The following CACNG6 variants were observed in gnomAD, a reference collection of about 807,000 sequenced individuals.
CACNG6 encodes voltage-dependent calcium channel gamma-6 subunit.
In CACNG6, 21 loss-of-function variants were observed where a neutral mutation model predicts 23.9. The ratio of observed to expected loss-of-function variants is 0.88; its 90% confidence interval spans 0.62 to 1.26. The LOEUF (loss-of-function observed/expected upper bound fraction) is 1.26, where lower values mean the gene tolerates loss of function less well. Among genes scored for constraint, CACNG6 ranks in the 50% most tolerant of loss-of-function variants. The probability of loss-of-function intolerance (pLI) is 0.00; values close to 1 mark genes in which losing one functional copy is unlikely to be tolerated. For missense variants in CACNG6, 340 were observed against 352.9 expected (o/e 0.96, Z 0.29); for synonymous variants, 182 against 168.9 (o/e 1.08, Z -0.60).
In CACNG6 at chr19:54,010,036, C is replaced by CTTTTT. The variant is rs199976621; in HGVS notation, c.545-1912_545-1911insTTTTT. On this transcript the variant is annotated intron_variant, in intron 3 of 3. Transcript: ENST00000252729. The stretch of plus-strand genomic sequence containing the variant: ...AACTTGCATGGAGACTATTTCTTTT[C>CTTTTT]TTTCTTTTTTTTTTTTTTTTGTTGC... Among the ~76,000 whole-genome samples, 57 of 97,876 alleles carry CTTTTT rather than the reference C, an allele frequency of 5.8e-4. 2 individuals are homozygous for CTTTTT. The highest frequency in any genetic ancestry group is 2.0e-3 in the African/African-American group (51 of 24,984). 64.2% of individuals were successfully genotyped at this position (97,876 alleles called of 152,430 possible).
At chr19:53,999,792 G>T in intron 3 of CACNG6, 21 bp downstream of exon 3, 1 of 1,611,844 alleles carries the variant, frequency 6.2e-7, no homozygotes. Flanking sequence ...AGAGCCTGGA[G>T]GCTGAGGACA....
At position 53,999,596 on chromosome 19, in the gene CACNG6, C is replaced by G. The variant is rs1213218381; in HGVS notation, c.407-38C>G. 3 of 1,606,836 alleles carry G rather than the reference C, an allele frequency of 1.9e-6. No homozygotes were observed. In the South Asian group the frequency reaches 3.3e-5, roughly 18 times the overall value. Reference sequence around the variant, plus strand: ...GGTGAATCCTCCTCATTCCCTACATCCCATGTTCTCTGCTTCTTTCCTCTC... The same window carrying G: ...GGTGAATCCTCCTCATTCCCTACATGCCATGTTCTCTGCTTCTTTCCTCTC... On this transcript the variant is annotated intron_variant, in intron 2 of 3. Transcript: ENST00000252729.
chr19:54,005,817 G>A lies in CACNG6; in HGVS notation c.544+6046G>A, dbSNP rs1017640812. 6.1e-5 allele frequency among the ~76,000 whole-genome samples: 9 copies of A among 146,854 alleles called. No individual in the cohort carries two copies. In the East Asian group the frequency reaches 1.2e-3, roughly 20 times the overall value. ...TAAAATAAAATAAAATAAACCAGGC[G>A]CGGTGGCTCACTCCTGTTATCCCAT... On this transcript the variant is annotated intron_variant, in intron 3 of 3. Coordinates refer to ENST00000252729, the MANE Select transcript of CACNG6 (RefSeq NM_145814.2).
At chr19:54,004,677 C>G (rs1031112698) in intron 3 of CACNG6, among the ~76,000 whole-genome samples, 1 of 152,132 alleles carries the variant, frequency 6.6e-6, no homozygotes, top group Non-Finnish European at 1.5e-5. Flanking sequence ...CTCCCTGCTC[C>G]GGCCACGCCA....
intron 1 of CACNG6, among the ~76,000 whole-genome samples, chr19:53,993,860 T>C (rs1311445377): frequency 3.3e-5 from 5 of 150,482 alleles, no homozygotes; most frequent in African/African-American, 1.2e-4. Context: ...CAGCCAATGT[T>C]CCCAGGCATC....
chr19:54,006,443 T>G (rs890266523), intron 3 of CACNG6, among the ~76,000 whole-genome samples: 24 of 151,894 alleles, frequency 1.6e-4, no homozygotes, highest in African/African-American at 5.8e-4. Flanking sequence ...TCTTGTCTTG[T>G]AAATGGCCAA....
intron 3 of CACNG6, among the ~76,000 whole-genome samples, chr19:54,005,657 G>T (rs2069635478): frequency 6.6e-6 from 1 of 151,748 alleles, no homozygotes; most frequent in African/African-American, 2.4e-5. Flanking sequence ...GGAGGCTGAG[G>T]CAGGGGAATC....
chr19:54,000,760 G>A (rs572963369), intron 3 of CACNG6, among the ~76,000 whole-genome samples: 3 of 151,856 alleles, frequency 2.0e-5, no homozygotes, highest in African/African-American at 4.8e-5. Context: ...TGTATTTTTC[G>A]GTAGAGACAG....
chr19:54,008,245 C>T (rs746808042), intron 3 of CACNG6, among the ~76,000 whole-genome samples: 38 of 152,044 alleles, frequency 2.5e-4, no homozygotes, highest in Non-Finnish European at 4.6e-4. Context: ...CCCAGCTACT[C>T]AAGAGGCTGA....
intron 3 of CACNG6, among the ~76,000 whole-genome samples, chr19:54,004,336 TGTGTGTGTGTGTGTGTGTGTG>T (rs1218657976): frequency 1.3e-3 from 39 of 29,736 alleles, no homozygotes; most frequent in Admixed American, 6.0e-3. Context: ...TTTGTATTTT[TGTGTGTGTGTGTGTGTGTGTG>T]TGTGTGTGTG....
rs751864902 is a variant in CACNG6, at chr19:53,992,941, C to T, written c.64C>T (p.Arg22Trp). The T allele has an allele frequency of 2.2e-6, 3 of 1,374,468 alleles. No individual in the cohort carries two copies. The highest frequency in any genetic ancestry group is 1.5e-5 in the African/African-American group (1 of 66,452). The allele number at this position is 1,374,468 out of a possible 1,614,324, so 85.1% of individuals were successfully genotyped here. The change falls in exon 1 of 4, where the codon CGG (arginine) becomes TGG (tryptophan). Residue 22 changes from arginine (R) to tryptophan (W), a missense_variant. Physicochemically the swap from Arg to Trp is moderately radical, Grantham distance 101. Coordinates refer to ENST00000252729, the MANE Select transcript of CACNG6 (RefSeq NM_145814.2). The surrounding 1 kb of genome is among the most constrained non-coding windows in gnomAD (Gnocchi z 4.1). Reference protein sequence around the residue: ...NRRRGAAGRRRAHGQGRSGLT... With the variant: ...NRRRGAAGRRWAHGQGRSGLT... ...GCGGCGGGGGGCCGCGGGCCGGCGGCGGGCGCACGGGCAGGGCAGGTCGGG... is the reference window on the plus strand; with the variant it reads ...GCGGCGGGGGGCCGCGGGCCGGCGGTGGGCGCACGGGCAGGGCAGGTCGGG...
At chr19:53,993,826 A>AC (rs2069494044) in intron 1 of CACNG6, among the ~76,000 whole-genome samples, 1 of 146,814 alleles carries the variant, frequency 6.8e-6, no homozygotes. Flanking sequence ...TGATTCTATG[A>AC]CCCCCAAAGT....
At chr19:53,998,065 T>C (rs141622924) in intron 1 of CACNG6, among the ~76,000 whole-genome samples, 174 bp from the exon 2 acceptor site, 287 of 152,242 alleles carry the variant, frequency 1.9e-3, no homozygotes, top group African/African-American at 6.6e-3. Context: ...AGCTCCTAGA[T>C]GGCAGTGTGG....
At chr19:54,008,209 C>T (rs1411463104) in intron 3 of CACNG6, among the ~76,000 whole-genome samples, 1 of 151,646 alleles carries the variant, frequency 6.6e-6, no homozygotes, top group African/African-American at 2.4e-5. Context: ...AAAAATGAGC[C>T]AGGCGTGGTG....
At chr19:54,003,840 G>C (rs1467928385) in intron 3 of CACNG6, among the ~76,000 whole-genome samples, 2 of 151,980 alleles carry the variant, frequency 1.3e-5, no homozygotes, top group Non-Finnish European at 2.9e-5. Context: ...AGAGCAGCTA[G>C]AGTGATACTT....
chr19:53,997,642 G>A (rs576668324), intron 1 of CACNG6, among the ~76,000 whole-genome samples: 5 of 152,140 alleles, frequency 3.3e-5, no homozygotes, highest in African/African-American at 9.6e-5. Flanking sequence ...TGCTGATTCC[G>A]GCTGCCTCTC....
Position 53,993,117 on chromosome 19 carries a change from C to G in CACNG6, c.240C>G (p.His80Gln). 6.5e-7 allele frequency: 1 copy of G among 1,548,096 alleles called. No homozygotes were observed. Among genetic ancestry groups the G allele is most frequent in the Admixed American group, 2.0e-5 (1 of 50,902 alleles). Residue 80 changes from histidine (H) to glutamine (Q), a missense_variant, in exon 1 of 4, where the codon CAC becomes CAG. Coordinates refer to ENST00000252729, the MANE Select transcript of CACNG6 (RefSeq NM_145814.2). The stretch of plus-strand genomic sequence containing the variant: ...GCAGCGCCGTGTGCGAAGCGGCCCA[C>G]CTGGGGCTGTGGAAGGCGTGCACCA... ...ANGSAVCEAA[H>Q]LGLWKACTKR... is the part of the protein sequence containing the mutation.
At chr19:53,999,796 G>C (rs2069557022) in intron 3 of CACNG6, 25 bp downstream of exon 3, 3 of 1,611,420 alleles carry the variant, frequency 1.9e-6, no homozygotes, top group South Asian at 2.2e-5. Flanking sequence ...CCTGGAGGCT[G>C]AGGACATTGC....
chr19:53,995,823 G>A (rs147497120), intron 1 of CACNG6, among the ~76,000 whole-genome samples: 18 of 152,224 alleles, frequency 1.2e-4, no homozygotes, highest in African/African-American at 4.1e-4. Context: ...CACAACATCC[G>A]GCTAATTTTT....
Sources: gnomAD v4.1 joint callset for allele counts (sites outside exome capture counted in the v4.1 genomes callset) on GRCh38, gnomAD v4.1.1 for gene constraint, Gnocchi (gnomAD v3.1) non-coding constraint, MANE v1.5 for transcripts, NCBI Gene and HGNC (gene_info 2026-07-23, HGNC 2026-07-21) for gene names.